The following NECTIN3 variants were observed in gnomAD, a reference collection of about 807,000 sequenced individuals.
The protein encoded by NECTIN3 is nectin-3.
In NECTIN3, 8 loss-of-function variants were observed where a neutral mutation model predicts 49.4. The observed-to-expected ratio is 0.16, with a 90% CI of 0.10 to 0.29. The LOEUF is 0.29. Ranked by LOEUF, NECTIN3 falls within the 10% of genes least tolerant of loss-of-function variation. The pLI is 1.00. For synonymous variants in NECTIN3, 277 were observed against 241.1 expected, an observed-to-expected ratio of 1.15 and a Z score of -1.38; for missense variants, 581 against 654.6, an observed-to-expected ratio of 0.89 and a Z score of 1.23.
chr3:111,171,199 A>T (rs879913181), intron 7 of NECTIN3, among the ~76,000 whole-genome samples: 8 of 152,182 alleles, frequency 5.3e-5, no homozygotes, highest in Non-Finnish European at 1.2e-4. Context: ...GCCACCATCT[A>T]TTTGAGGTAG....
intron 1 of NECTIN3, among the ~76,000 whole-genome samples, chr3:111,085,185 A>G (rs921251998): frequency 4.6e-5 from 7 of 152,230 alleles, no homozygotes; most frequent in Non-Finnish European, 1.0e-4. Context: ...TACATCTTAA[A>G]TACATCTGTG....
chr3:111,181,713 A>G (rs1027158395), intron 7 of NECTIN3, among the ~76,000 whole-genome samples: 1 of 152,028 alleles, frequency 6.6e-6, no homozygotes, highest in Admixed American at 6.5e-5. Flanking sequence ...TTTAATTTAT[A>G]TGGGATCAGC....
rs2031966889 is a variant in NECTIN3 at position 111,086,925 on chromosome 3, T to C, written c.160+14748T>C. Among the ~76,000 whole-genome samples, 2 of 152,164 alleles carry C rather than the reference T, an allele frequency of 1.3e-5. 1 individual carries two copies. Among genetic ancestry groups the C allele is most frequent in the Admixed American group, 1.3e-4 (2 of 15,286 alleles). On this transcript the variant is annotated intron_variant, in intron 1 of 5. Coordinates refer to ENST00000485303, the MANE Select transcript of NECTIN3 (RefSeq NM_015480.3). ...TTCTGGTTTGTTCTGTGTGTAGACA[T>C]CTTATATAACTGTAAATTTTAGATT...
chr3:111,079,710 A>G (rs1040440283), intron 1 of NECTIN3, among the ~76,000 whole-genome samples: 2 of 151,752 alleles, frequency 1.3e-5, no homozygotes, highest in African/African-American at 2.4e-5. Flanking sequence ...GTTAATGGCT[A>G]CTGCAGTCAC....
intron 1 of NECTIN3, among the ~76,000 whole-genome samples, chr3:111,088,654 T>G (rs2032077161): frequency 6.6e-6 from 1 of 152,220 alleles, no homozygotes; most frequent in Admixed American, 6.5e-5. Flanking sequence ...ATAAAAACAT[T>G]AAACCATTAT....
In NECTIN3 at chr3:111,126,277, C is replaced by T; in HGVS notation, c.1011C>T (p.Ile337=). 6.2e-7 allele frequency: 1 copy of T among 1,610,730 alleles called. No homozygotes were observed. Among genetic ancestry groups the T allele is most frequent in the Non-Finnish European group, 8.5e-7 (1 of 1,178,834 alleles). The change falls in exon 5 of 6, where the codon ATC becomes ATT. Residue 337 remains isoleucine (I), a synonymous_variant. Coordinates refer to ENST00000485303, the MANE Select transcript of NECTIN3 (RefSeq NM_015480.3). The part of the protein sequence containing the change: ...PLTFNYSGVY[I]CKVTNSLGQR... ...CTTTCAATTATTCTGGTGTTTATAT[C>T]TGTAAAGTGACCAATTCCCTTGGTC...
In NECTIN3 at chr3:111,193,291, T is replaced by C. The variant is rs777532220; in HGVS notation, c.63+878T>C. The stretch of plus-strand genomic sequence containing the variant: ...CAGATGTACCCCCTTTACAATCAAA[T>C]GTGCTACCAAGACCGGAGCCCTGGC... On this transcript the variant is annotated intron_variant, in intron 1 of 1. Coordinates refer to the NECTIN3 transcript ENST00000485506. The C allele has an allele frequency of 8.5e-6, 13 of 1,535,722 alleles. No homozygotes were observed. In the South Asian group the frequency reaches 1.1e-4, roughly 13 times the overall value.
At chr3:111,124,733 A>G (rs570786678) in intron 4 of NECTIN3, among the ~76,000 whole-genome samples, 5 of 152,254 alleles carry the variant, frequency 3.3e-5, no homozygotes, top group Admixed American at 6.5e-5. Context: ...AAATTATTCT[A>G]TCTGTTCTTC....
intron 1 of NECTIN3, among the ~76,000 whole-genome samples, chr3:111,104,535 G>A (rs1327083074): frequency 2.0e-5 from 3 of 151,846 alleles, no homozygotes; most frequent in Non-Finnish European, 4.4e-5. Flanking sequence ...GGCCAGGGTG[G>A]TCTCAAACTC....
chr3:111,171,563 C>T (rs2035432969), intron 7 of NECTIN3, among the ~76,000 whole-genome samples: 1 of 152,162 alleles, frequency 6.6e-6, no homozygotes, highest in South Asian at 2.1e-4. Flanking sequence ...TCACCTTCTG[C>T]AATTTAATAT....
At chr3:111,126,081 T>G in intron 4 of NECTIN3, 103 bp from the exon 5 acceptor site, 1 of 827,304 alleles carries the variant, frequency 1.2e-6, no homozygotes, top group Non-Finnish European at 1.7e-6. Context: ...GATGCTTTTT[T>G]ATTTTGACTA....
At chr3:111,159,310 G>C (rs1188332677) in intron 7 of NECTIN3, among the ~76,000 whole-genome samples, 1 of 151,954 alleles carries the variant, frequency 6.6e-6, no homozygotes, top group African/African-American at 2.4e-5. Context: ...TCCCATTATA[G>C]TTCTTGTATA....
At chr3:111,109,054 G>C (rs965950932) in intron 1 of NECTIN3, among the ~76,000 whole-genome samples, 1 of 152,144 alleles carries the variant, frequency 6.6e-6, no homozygotes. Context: ...AGCAGATCCA[G>C]TTCTTGATGA....
intron 7 of NECTIN3, among the ~76,000 whole-genome samples, chr3:111,167,149 A>G (rs1173557863): frequency 6.6e-6 from 1 of 152,226 alleles, no homozygotes; most frequent in East Asian, 1.9e-4. Flanking sequence ...TTGAACATCA[A>G]TTAGAAGTGA....
Position 111,134,688 on chromosome 3 carries a change from A to T in NECTIN3, c.*473A>T, listed in dbSNP as rs893166192. The T allele has an allele frequency of 1.2e-6, 1 of 851,126 alleles. No homozygotes were observed. Among genetic ancestry groups the T allele is most frequent in the Non-Finnish European group, 1.4e-6 (1 of 708,052 alleles). The allele number at this position is 851,126 out of a possible 1,614,324, so 52.7% of individuals were successfully genotyped here. A position where few individuals can be genotyped will look rare whatever the true frequency, so the allele number is the denominator to read the frequency against. On this transcript the variant is annotated 3_prime_UTR_variant, in exon 6 of 6. Coordinates refer to ENST00000485303, the MANE Select transcript of NECTIN3 (RefSeq NM_015480.3). Reference sequence around the variant, plus strand: ...TAAAACTAATTCAAGAAATATTTATATATATTTTTTAATATACAAAAAATA... The same window carrying T: ...TAAAACTAATTCAAGAAATATTTATTTATATTTTTTAATATACAAAAAATA...
At chr3:111,142,584 AAT>A (rs1275364663) in intron 5 of NECTIN3, among the ~76,000 whole-genome samples, 16 of 151,928 alleles carry the variant, frequency 1.1e-4, no homozygotes, top group Admixed American at 5.3e-4. Context: ...AGATATTAAA[AAT>A]AGTGTCTATT....
intron 1 of NECTIN3, among the ~76,000 whole-genome samples, chr3:111,076,085 T>C (rs1400391294): frequency 1.3e-5 from 2 of 152,134 alleles, no homozygotes; most frequent in African/African-American, 4.8e-5. Context: ...TTGGAAAAGC[T>C]GGGCAATTGT....
intron 5 of NECTIN3, among the ~76,000 whole-genome samples, chr3:111,130,057 G>C (rs1376341285): frequency 1.4e-5 from 2 of 147,988 alleles, no homozygotes; most frequent in African/African-American, 5.0e-5. Flanking sequence ...CCGGGTTCAC[G>C]GCCACTCTCC....
intron 1 of NECTIN3, among the ~76,000 whole-genome samples, chr3:111,073,924 A>G (rs1480960983): frequency 6.6e-6 from 1 of 152,216 alleles, no homozygotes; most frequent in Non-Finnish European, 1.5e-5. Flanking sequence ...AGTTTTAAAA[A>G]ATCTCAATGT....
Sources: allele counts gnomAD v4.1 joint callset (sites outside exome capture counted in the v4.1 genomes callset), GRCh38; gene constraint gnomAD v4.1.1; transcripts MANE v1.5; gene names NCBI Gene and HGNC (gene_info 2026-07-23, HGNC 2026-07-21).